The following FHIP1B variants were observed in gnomAD, a reference collection of about 807,000 sequenced individuals.
The protein encoded by FHIP1B is FHF complex subunit HOOK-interacting protein 1B.
A neutral mutation model predicts 82.2 loss-of-function variants in FHIP1B; 28 were observed. The observed-to-expected ratio is 0.34, with a 90% CI of 0.25 to 0.47. The LOEUF (loss-of-function observed/expected upper bound fraction) is 0.47. FHIP1B is among the 20% of genes least tolerant of loss of function. FHIP1B has a pLI of 1.00. For missense variants in FHIP1B, 1,110 were observed against 1,262.6 expected (o/e 0.88, Z 1.83); for synonymous variants, 585 against 516.1 (o/e 1.13, Z -1.81).
rs9659 is a variant in FHIP1B at position 6,211,423 on chromosome 11, C to T, written c.*83G>A. ...TGAAATAAATTAAAAAGTCCTTTTGCCACTGCCTCCAAACATAAAAAGGAG... is the reference window on the plus strand; with the variant it reads ...TGAAATAAATTAAAAAGTCCTTTTGTCACTGCCTCCAAACATAAAAAGGAG... On this transcript the variant is annotated 3_prime_UTR_variant, in exon 12 of 12. Transcript: ENST00000449352. 60,742 of 1,470,518 alleles carry T rather than the reference C, an allele frequency of 0.041. 1,353 individuals carry two copies. The highest frequency in any genetic ancestry group is 0.045 in the Non-Finnish European group (49,365 of 1,103,452). The allele number at this position is 1,470,518 out of a possible 1,614,324, so 91.1% of individuals were successfully genotyped here.
At chr11:6,211,927 G>C (rs1439695276) in intron 11 of FHIP1B, 60 bp from the exon 12 acceptor site, 5 of 1,484,754 alleles carry the variant, frequency 3.4e-6, no homozygotes, top group African/African-American at 1.4e-5. Context: ...CTTGGACTGA[G>C]AGGGGAGATT....
At chr11:6,218,811 G>C (rs1342282310) in intron 7 of FHIP1B, 48 bp from the exon 8 acceptor site, 19 of 1,601,876 alleles carry the variant, frequency 1.2e-5, no homozygotes, top group Non-Finnish European at 1.6e-5. Context: ...AGGAAGGAAG[G>C]ACAGGGCCTA....
rs773559494 is a variant in FHIP1B at position 6,218,516 on chromosome 11, C to A, written c.1435+84G>T. 1.2e-5 allele frequency: 19 copies of A among 1,589,194 alleles called. No individual in the cohort carries two copies. The South Asian group carries it at 2.0e-4, about 17-fold the overall frequency. Reference sequence around the variant, plus strand: ...CATGGACACCTTCCTCCCCTTCACCCCAGCCCCTCCTTGCTACGCTCCCCC... The same window carrying A: ...CATGGACACCTTCCTCCCCTTCACCACAGCCCCTCCTTGCTACGCTCCCCC... On this transcript the variant is annotated intron_variant, in intron 8 of 11. Transcript: ENST00000449352.
chr11:6,214,766 C>T lies in FHIP1B; in HGVS notation c.2361G>A (p.Met787Ile). Residue 787 changes from methionine to isoleucine, a missense_variant, in exon 10 of 12, where the codon ATG becomes ATA. Physicochemically the swap from Met to Ile is conservative, Grantham distance 10 (BLOSUM62 1). This residue lies in a region of FHIP1B where 39 missense variants were observed against 79.6 expected (regional missense o/e 0.49). Transcript: ENST00000449352. ...GGGACTTGACACTGGGCTGGAAGACCATGTTGGTGTTGAGCAGGAAAGAGC... is the reference window on the plus strand; with the variant it reads ...GGGACTTGACACTGGGCTGGAAGACTATGTTGGTGTTGAGCAGGAAAGAGC... ...LLRSFLLNTN[M>I]VFQPSVKSLL... The T allele has an allele frequency of 6.3e-7, 1 of 1,598,386 alleles. No individual in the cohort carries two copies. Among genetic ancestry groups the T allele is most frequent in the South Asian group, 1.1e-5 (1 of 89,208 alleles).
intron 9 of FHIP1B, chr11:6,217,097 A>G (rs1847249682): frequency 1.4e-6 from 1 of 703,010 alleles, no homozygotes; most frequent in African/African-American, 1.7e-5. Flanking sequence ...AAATGGCCAG[A>G]CTAGGGAAAG....
Position 6,223,515 on chromosome 11 carries a change from G to A in FHIP1B, c.777+95C>T, listed in dbSNP as rs186713929. 1,112 of 1,433,126 alleles carry A rather than the reference G, an allele frequency of 7.8e-4. 11 individuals are homozygous for A. The African/African-American group carries it at 0.014, about 19-fold the overall frequency. The allele number at this position is 1,433,126 out of a possible 1,614,324, so 88.8% of individuals were successfully genotyped here. A position where few individuals can be genotyped will look rare whatever the true frequency, so the allele number is the denominator to read the frequency against. On this transcript the variant is annotated intron_variant, in intron 3 of 11. Coordinates refer to ENST00000449352, the MANE Select transcript of FHIP1B (RefSeq NM_001098794.2). The surrounding 1 kb of genome is among the most constrained non-coding windows in gnomAD (Gnocchi z 4.8). ...CAGGAACTGTTTCCTAGGGGAACGG[G>A]CCCTGGAACATAGCCTCTCCCCATC... is the stretch of plus-strand genomic sequence containing the variant.
rs773408713 is a variant in FHIP1B at position 6,214,705 on chromosome 11, C to T, written c.2394+28G>A. On this transcript the variant is annotated intron_variant, in intron 10 of 11. Transcript: ENST00000449352. ...GGCCTGGCCCACCACGGAGCCTGGA[C>T]GCACCCATGCATGCATGCATCGCAC... The T allele has an allele frequency of 2.9e-5, 45 of 1,550,928 alleles. No homozygotes were observed. The South Asian group carries it at 4.8e-4, about 17-fold the overall frequency.
intron 1 of FHIP1B, among the ~76,000 whole-genome samples, chr11:6,226,562 A>G (rs1847569538): frequency 6.6e-6 from 1 of 152,254 alleles, no homozygotes; most frequent in Non-Finnish European, 1.5e-5. Flanking sequence ...CTAATTAAGC[A>G]GAGAGCAGAG....
At chr11:6,214,273 A>C in intron 11 of FHIP1B, 138 bp downstream of exon 11, 1 of 1,056,368 alleles carries the variant, frequency 9.5e-7, no homozygotes. Context: ...CAGAAGCCTG[A>C]GAACAAACAT....
In FHIP1B at chr11:6,218,207, TA is replaced by T; in HGVS notation, c.1436-58del. ...GGAGACAGAGGTTCAGAAGGAGAGA[TA>T]AGACACCTCGGGAGACTAAGAAAGA... On this transcript the variant is annotated intron_variant, in intron 8 of 11. Coordinates refer to ENST00000449352, the MANE Select transcript of FHIP1B (RefSeq NM_001098794.2). The T allele has an allele frequency of 1.9e-6, 3 of 1,547,368 alleles. No individual in the cohort carries two copies. The East Asian group carries it at 7.1e-5, about 36-fold the overall frequency.
rs764566962 is a variant in FHIP1B, at chr11:6,222,765, C to A, written c.1023+46G>T. On this transcript the variant is annotated intron_variant, in intron 5 of 11. Transcript: ENST00000449352. ...ACGTTAGTCCTGTCACTGAGGTTAC[C>A]ACTGCAGCTTAGCCCCTTATATGCC... 22 of 1,594,296 alleles carry A rather than the reference C, an allele frequency of 1.4e-5. No homozygotes were observed. In the Admixed American group the frequency reaches 3.7e-4, roughly 27 times the overall value.
intron 11 of FHIP1B, 60 bp from the exon 12 acceptor site, chr11:6,211,927 G>A (rs1439695276): frequency 1.3e-6 from 2 of 1,484,754 alleles, no homozygotes; most frequent in South Asian, 2.8e-5. Context: ...CTTGGACTGA[G>A]AGGGGAGATT....
intron 1 of FHIP1B, among the ~76,000 whole-genome samples, chr11:6,233,017 T>C (rs1037003009): frequency 2.0e-5 from 3 of 152,256 alleles, no homozygotes; most frequent in Non-Finnish European, 4.4e-5. Context: ...AATTTTATCA[T>C]GTACAGGGTC....
chr11:6,217,668 C>G lies in FHIP1B; in HGVS notation c.1918G>C (p.Gly640Arg). 2.5e-6 allele frequency: 4 copies of G among 1,613,952 alleles called. No individual in the cohort carries two copies. Among genetic ancestry groups the G allele is most frequent in the Non-Finnish European group, 3.4e-6 (4 of 1,179,976 alleles). ...TTCTTGGCCCCCTCAGGCCATGATC[C>G]TGGCACTCCATTGAGCTGGGGAGGG... ...LPPPQLNGVP[G>R]SWPEGAKKVR... The change falls in exon 9 of 12, where the codon GGA becomes CGA. Residue 640 changes from glycine to arginine, a missense_variant. Gly to Arg is a moderately radical substitution (Grantham distance 125). Around this residue, in one of 6 missense-constraint regions of FHIP1B, gnomAD observed 418 missense variants for 371.4 expected, o/e 1.13. Transcript: ENST00000449352.
At position 6,217,530 on chromosome 11, in the gene FHIP1B, T is replaced by C. The variant is rs367551860; in HGVS notation, c.2056A>G (p.Ser686Gly). Residue 686 changes from serine to glycine, a missense_variant, in exon 9 of 12, where the codon AGC (serine) becomes GGC (glycine). Physicochemically the swap from Ser to Gly is moderately conservative, Grantham distance 56. Around this residue, in one of 6 missense-constraint regions of FHIP1B, gnomAD observed 418 missense variants for 371.4 expected, o/e 1.13. Transcript: ENST00000449352. Reference protein sequence around the residue: ...QELRELEVALSNGGTGSESPL... With the variant: ...QELRELEVALGNGGTGSESPL... ...GACTCTGAGCCAGTTCCCCCATTGC[T>C]CAATGCCACCTCTAGCTCCCGGAGC... 4 of 1,610,742 alleles carry C rather than the reference T, an allele frequency of 2.5e-6. No homozygotes were observed. The highest frequency in any genetic ancestry group is 3.4e-6 in the Non-Finnish European group (4 of 1,178,016).
intron 1 of FHIP1B, 143 bp downstream of exon 1, chr11:6,234,401 C>G (rs1847787545): frequency 6.5e-6 from 1 of 153,172 alleles, no homozygotes; most frequent in Admixed American, 6.5e-5. Context: ...CTCTCACCCT[C>G]CTTCCCTATC....
At chr11:6,225,769 G>T (rs952230375) in intron 1 of FHIP1B, among the ~76,000 whole-genome samples, 117 of 152,224 alleles carry the variant, frequency 7.7e-4, no homozygotes, top group African/African-American at 2.5e-3. Context: ...AGTGACCTAT[G>T]GGAGATGAGC....
chr11:6,220,922 G>T (rs1444515956), intron 6 of FHIP1B, among the ~76,000 whole-genome samples: 5 of 152,156 alleles, frequency 3.3e-5, no homozygotes, highest in Non-Finnish European at 7.4e-5. Flanking sequence ...TGGTATCTTT[G>T]TAAAATTAAA....
chr11:6,214,559 C>T lies in FHIP1B; in HGVS notation c.2409G>A (p.Val803=). 6.2e-7 allele frequency: 1 copy of T among 1,612,900 alleles called. No homozygotes were observed. Among genetic ancestry groups the T allele is most frequent in the Non-Finnish European group, 8.5e-7 (1 of 1,179,218 alleles). ...CCGCAAAGTTCTCAATCTTATTCTT[C>T]ACAGAGCCCAGCACCTATGAAGCAC... ...VKSLLQVLGS[V]KNKIENFAAS... is the part of the protein sequence containing the mutation. Residue 803 remains valine, a synonymous_variant, in exon 11 of 12, where the codon GTG becomes GTA. Coordinates refer to ENST00000449352, the MANE Select transcript of FHIP1B (RefSeq NM_001098794.2).
Sources: gnomAD v4.1 joint callset for allele counts (sites outside exome capture counted in the v4.1 genomes callset) on GRCh38, gnomAD v4.1.1 for gene constraint, gnomAD v4.1.1 regional missense constraint, Gnocchi (gnomAD v3.1) non-coding constraint, MANE v1.5 for transcripts, NCBI Gene and HGNC (gene_info 2026-07-23, HGNC 2026-07-21) for gene names.